PBLD: variants seen among roughly 807,000 people sequenced by gnomAD.
PBLD encodes phenazine biosynthesis like protein domain containing, also known as phenazine biosynthesis-like domain-containing protein.
PBLD carries 26 observed loss-of-function variants against 31.3 expected under a neutral mutation model. That is an observed-to-expected ratio of 0.83 (90% confidence interval 0.61 to 1.15). PBLD has a LOEUF of 1.15. PBLD is among the 50% of genes most tolerant of loss of function. The pLI is 0.00. For synonymous variants in PBLD, 114 were observed against 129.0 expected (o/e 0.88, Z 0.79); for missense variants, 307 against 351.7 (o/e 0.87, Z 1.02).
chr10:68,284,638 G>A (rs1564722213), intron 9 of PBLD, among the ~76,000 whole-genome samples: 1 of 152,146 alleles, frequency 6.6e-6, no homozygotes, highest in Non-Finnish European at 1.5e-5. Context: ...AATAGAGGCA[G>A]GCCTATAACT....
intron 1 of PBLD, among the ~76,000 whole-genome samples, chr10:68,329,853 T>C (rs1280431746): frequency 6.6e-6 from 1 of 152,212 alleles, no homozygotes; most frequent in African/African-American, 2.4e-5. Flanking sequence ...AGGTTCATAG[T>C]GTTTTAAGAC....
chr10:68,325,727 G>C (rs1198038015), intron 1 of PBLD, among the ~76,000 whole-genome samples: 2 of 152,026 alleles, frequency 1.3e-5, no homozygotes, highest in African/African-American at 4.8e-5. Flanking sequence ...CCGTTATTTT[G>C]TACATCCATG....
chr10:68,284,026 C>T lies in PBLD; in HGVS notation c.*151G>A. 1.6e-6 allele frequency: 1 copy of T among 641,234 alleles called. No homozygotes were observed. The highest frequency in any genetic ancestry group is 2.6e-6 in the Non-Finnish European group (1 of 379,730). The allele number at this position is 641,234 out of a possible 1,614,324, so 39.7% of individuals were successfully genotyped here. A position where few individuals can be genotyped will look rare whatever the true frequency, so the allele number is the denominator to read the frequency against. Reference sequence around the variant, plus strand: ...CCTCTCAAAGTGCTACGATTACAGGCATGAGCCACTGCGCCTGGCCCATTT... The same window carrying T: ...CCTCTCAAAGTGCTACGATTACAGGTATGAGCCACTGCGCCTGGCCCATTT... On this transcript the variant is annotated 3_prime_UTR_variant, in exon 10 of 10. Coordinates refer to ENST00000358769, the MANE Select transcript of PBLD (RefSeq NM_022129.4).
At chr10:68,289,112 C>CTG in intron 6 of PBLD, 93 bp from the exon 7 acceptor site, 1 of 938,796 alleles carries the variant, frequency 1.1e-6, no homozygotes. Flanking sequence ...TGAGCATCCA[C>CTG]TGTGAGCCAA....
rs736535 is a variant in PBLD, at chr10:68,284,159, G to A, written c.*18C>T. ...ATACTTGGTGGTTAGAGACAGCAGCGTCACAGCATAACCACCTCTAGGCTG... is the reference window on the plus strand; with the variant it reads ...ATACTTGGTGGTTAGAGACAGCAGCATCACAGCATAACCACCTCTAGGCTG... On this transcript the variant is annotated 3_prime_UTR_variant, in exon 10 of 10. Coordinates refer to ENST00000358769, the MANE Select transcript of PBLD (RefSeq NM_022129.4). 348,322 of 1,589,032 alleles carry A rather than the reference G, an allele frequency of 0.22. 41,628 individuals carry two copies. The highest frequency in any genetic ancestry group is 0.41 in the Admixed American group (23,816 of 58,712).
intron 9 of PBLD, 167 bp downstream of exon 9, chr10:68,285,181 T>C: frequency 6.8e-7 from 1 of 1,466,862 alleles, no homozygotes; most frequent in Non-Finnish European, 9.0e-7. Context: ...AGGTGAAGGC[T>C]GTTTGGGGTG....
In PBLD at chr10:68,295,295, C is replaced by G. The variant is rs540737548; in HGVS notation, c.283+971G>C. 4.0e-4 allele frequency among the ~76,000 whole-genome samples: 61 copies of G among 151,850 alleles called. 1 individual carries two copies. In the South Asian group the frequency reaches 6.0e-3, roughly 15 times the overall value. ...ACCACTTGAGCTCAGGAATTTGAGA[C>G]CAGCCTGGGCAACATAGCAAAACCC... On this transcript the variant is annotated intron_variant, in intron 4 of 9. Coordinates refer to ENST00000358769, the MANE Select transcript of PBLD (RefSeq NM_022129.4).
chr10:68,330,140 T>A (rs1363441746), intron 1 of PBLD, among the ~76,000 whole-genome samples: 1 of 152,142 alleles, frequency 6.6e-6, no homozygotes, highest in Non-Finnish European at 1.5e-5. Flanking sequence ...CACTGTCCTT[T>A]CTTCCTTCCA....
chr10:68,307,041 T>C, intron 1 of PBLD, 138 bp from the exon 2 acceptor site: 1 of 446,700 alleles, frequency 2.2e-6, no homozygotes, highest in African/African-American at 2.0e-5. Flanking sequence ...TCTTTTTTCA[T>C]TTTTTGAGAT....
intron 1 of PBLD, among the ~76,000 whole-genome samples, chr10:68,319,053 GAGAAAGAAAGAA>G (rs60229423): frequency 0.022 from 2,212 of 98,836 alleles, 29 homozygotes; most frequent in African/African-American, 0.043. Flanking sequence ...AAGAAAGAGA[GAGAAAGAAAGAA>G]AGAAAGAAAG....
At chr10:68,286,666 C>T (rs910545229) in intron 8 of PBLD, among the ~76,000 whole-genome samples, 1 of 152,134 alleles carries the variant, frequency 6.6e-6, no homozygotes, top group Non-Finnish European at 1.5e-5. Flanking sequence ...ACCAAGCTAA[C>T]ATTCCTGAGC....
intron 1 of PBLD, among the ~76,000 whole-genome samples, chr10:68,323,122 TACA>T: frequency 6.6e-6 from 1 of 152,106 alleles, no homozygotes; most frequent in South Asian, 2.1e-4. Context: ...TCTATAAATC[TACA>T]ACTATTCAAA....
In PBLD at chr10:68,320,024, T is replaced by C. The variant is rs566877949; in HGVS notation, c.-60+12760A>G. Among the ~76,000 whole-genome samples, 811 of 152,138 alleles carry C rather than the reference T, an allele frequency of 5.3e-3. 4 individuals are homozygous for C. Among genetic ancestry groups the C allele is most frequent in the Middle Eastern group, 0.027 (8 of 292 alleles). The stretch of plus-strand genomic sequence containing the variant: ...TTTTAGTAGAGAAGAGGTTTCTCCA[T>C]GTTGGTCAGGCTGGTCTCAAACTAC... On this transcript the variant is annotated intron_variant, in intron 1 of 9. Transcript: ENST00000358769.
intron 1 of PBLD, among the ~76,000 whole-genome samples, chr10:68,319,363 A>C (rs2044797660): frequency 6.6e-6 from 1 of 152,312 alleles, no homozygotes; most frequent in Middle Eastern, 3.4e-3. Context: ...AACAAAGGGC[A>C]AAGATCGGTA....
chr10:68,321,811 T>C (rs2044838970), intron 1 of PBLD, among the ~76,000 whole-genome samples: 1 of 152,206 alleles, frequency 6.6e-6, no homozygotes, highest in Non-Finnish European at 1.5e-5. Context: ...AACACGGTAT[T>C]GGATTATAAC....
intron 1 of PBLD, among the ~76,000 whole-genome samples, chr10:68,325,147 G>A (rs2044898651): frequency 6.6e-6 from 1 of 152,058 alleles, no homozygotes; most frequent in African/African-American, 2.4e-5. Context: ...GGGAGGCTGA[G>A]GCAGGAGAAT....
chr10:68,296,774 C>T, intron 3 of PBLD, 112 bp downstream of exon 3: 1 of 927,870 alleles, frequency 1.1e-6, no homozygotes, highest in Admixed American at 2.0e-5. Flanking sequence ...GAGGCTGAGG[C>T]ACAATAATTG....
chr10:68,295,572 G>C (rs990718958), intron 4 of PBLD, among the ~76,000 whole-genome samples: 1 of 152,044 alleles, frequency 6.6e-6, no homozygotes, highest in Admixed American at 6.6e-5. Context: ...AATAATTGGA[G>C]TGAAATGTTC....
intron 1 of PBLD, among the ~76,000 whole-genome samples, chr10:68,318,047 G>C (rs991365028): frequency 2.6e-5 from 4 of 151,950 alleles, no homozygotes; most frequent in African/African-American, 9.7e-5. Context: ...ATAACACAGG[G>C]AAACCCCGTC....
Sources: allele counts gnomAD v4.1 joint callset (sites outside exome capture counted in the v4.1 genomes callset), GRCh38; gene constraint gnomAD v4.1.1; transcripts MANE v1.5; gene names NCBI Gene and HGNC (gene_info 2026-07-23, HGNC 2026-07-21).